Variants in ZBBX observed in about 807,000 individuals in gnomAD.
ZBBX encodes the protein zinc finger B-box domain containing, also known as zinc finger B-box domain-containing protein 1.
ZBBX carries 101 observed loss-of-function variants against 108.5 expected under a neutral mutation model. That is an observed-to-expected ratio of 0.93 (90% CI 0.79 to 1.10). ZBBX has a LOEUF of 1.10. Among genes scored for constraint, ZBBX ranks in the 50% least tolerant of loss-of-function variants. ZBBX has a pLI of 0.00. For synonymous variants in ZBBX, 356 were observed against 323.4 expected (o/e 1.10, Z -1.08); for missense variants, 1,009 against 941.4 (o/e 1.07, Z -0.94).
chr3:167,185,104 C>T, the ZBBX span, among the ~76,000 whole-genome samples: 2 of 152,012 alleles, frequency 1.3e-5, no homozygotes, highest in Non-Finnish European at 2.9e-5. Context: ...GTAATTGTTC[C>T]AAACTGGAGC....
intron 10 of ZBBX, 56 bp downstream of exon 10, chr3:167,333,771 G>T (rs1577025759): frequency 7.2e-7 from 1 of 1,397,272 alleles, no homozygotes; most frequent in Non-Finnish European, 9.5e-7. Flanking sequence ...TACATGAATG[G>T]CACCTGCCAT....
chr3:167,348,316 G>GAA (rs1395505728), intron 9 of ZBBX, among the ~76,000 whole-genome samples: 2 of 60,714 alleles, frequency 3.3e-5, no homozygotes, highest in Non-Finnish European at 6.0e-5. Flanking sequence ...GAAAGAAAGA[G>GAA]AAAGAAAGAA....
chr3:167,181,697 C>G, the ZBBX span, among the ~76,000 whole-genome samples: 1 of 152,196 alleles, frequency 6.6e-6, no homozygotes, highest in African/African-American at 2.4e-5. Context: ...GTGCTATACA[C>G]TCTCCTGGCT....
At chr3:167,307,977 C>T (rs1733956360) in intron 16 of ZBBX, among the ~76,000 whole-genome samples, 1 of 152,130 alleles carries the variant, frequency 6.6e-6, no homozygotes, top group Non-Finnish European at 1.5e-5. Context: ...TCCAATTAAA[C>T]TAAAGAGCTT....
At chr3:167,247,621 C>T (rs79386131) in intron 20 of ZBBX, among the ~76,000 whole-genome samples, 20 of 152,046 alleles carry the variant, frequency 1.3e-4, no homozygotes, top group African/African-American at 4.6e-4. Flanking sequence ...ACATGCCCAC[C>T]GGGGTTTCCA....
chr3:167,230,855 C>T, the ZBBX span, among the ~76,000 whole-genome samples: 3 of 151,754 alleles, frequency 2.0e-5, no homozygotes, highest in Non-Finnish European at 4.4e-5. Flanking sequence ...TAAAAGATAA[C>T]TCTGTTTTAT....
At chr3:167,350,319 T>C (rs1742405620) in intron 9 of ZBBX, 101 bp downstream of exon 9, 1 of 846,984 alleles carries the variant, frequency 1.2e-6, no homozygotes. Flanking sequence ...GAAATTAGCG[T>C]AAATCATCCT....
At chr3:167,249,971 T>C (rs760233004) in intron 20 of ZBBX, among the ~76,000 whole-genome samples, 1 of 152,192 alleles carries the variant, frequency 6.6e-6, no homozygotes, top group Non-Finnish European at 1.5e-5. Flanking sequence ...CTCTCAATTA[T>C]ATTAAGTTGT....
chr3:167,186,396 G>A, the ZBBX span, among the ~76,000 whole-genome samples: 2,028 of 152,172 alleles, frequency 0.013, 22 homozygotes, highest in South Asian at 0.026. Context: ...AGGAAGGAAG[G>A]AAGGAAGGAA....
At chr3:167,395,424 A>G (rs544855150) in intron 1 of ZBBX, among the ~76,000 whole-genome samples, 2 of 152,138 alleles carry the variant, frequency 1.3e-5, no homozygotes, top group African/African-American at 2.4e-5. Context: ...CAGGAGTGCC[A>G]GAGTTAGAAA....
At chr3:167,220,530 C>T in the ZBBX span, among the ~76,000 whole-genome samples, 1 of 151,938 alleles carries the variant, frequency 6.6e-6, no homozygotes, top group African/African-American at 2.4e-5. Context: ...GGATAAAATT[C>T]AACATCCCAT....
At chr3:167,217,464 T>C in the ZBBX span, among the ~76,000 whole-genome samples, 1 of 151,954 alleles carries the variant, frequency 6.6e-6, no homozygotes, top group Non-Finnish European at 1.5e-5. Context: ...AGTTAAAAAA[T>C]AACAGATGCT....
the ZBBX span, among the ~76,000 whole-genome samples, chr3:167,197,826 T>C: frequency 2.0e-5 from 3 of 152,208 alleles, no homozygotes; most frequent in African/African-American, 7.2e-5. Flanking sequence ...TCTAATGTTG[T>C]TTGCACAAAA....
At chr3:167,387,708 T>A (rs1747960604) in intron 1 of ZBBX, among the ~76,000 whole-genome samples, 1 of 151,884 alleles carries the variant, frequency 6.6e-6, no homozygotes, top group Non-Finnish European at 1.5e-5. Context: ...AGGTCATCGC[T>A]GTTGTATAGG....
the ZBBX span, among the ~76,000 whole-genome samples, chr3:167,221,603 A>G: frequency 2.6e-5 from 4 of 151,976 alleles, no homozygotes; most frequent in African/African-American, 9.7e-5. Context: ...AGGACATTGT[A>G]CTGGCAAAGA....
At chr3:167,274,138 C>T (rs1157125897) in intron 20 of ZBBX, among the ~76,000 whole-genome samples, 5 of 152,106 alleles carry the variant, frequency 3.3e-5, no homozygotes, top group Non-Finnish European at 7.3e-5. Context: ...ATACTGCCCC[C>T]GACAGAAGCA....
intron 12 of ZBBX, among the ~76,000 whole-genome samples, chr3:167,320,391 T>C (rs1030965344): frequency 6.6e-6 from 1 of 151,786 alleles, no homozygotes; most frequent in Non-Finnish European, 1.5e-5. Context: ...AAAATAAATA[T>C]TCATGAGTTG....
At chr3:167,224,323 A>G in the ZBBX span, among the ~76,000 whole-genome samples, 4 of 151,970 alleles carry the variant, frequency 2.6e-5, no homozygotes, top group African/African-American at 9.7e-5. Flanking sequence ...ATATCATTAC[A>G]GAGATGCTGA....
In ZBBX at chr3:167,298,290, G is replaced by C. The variant is rs760750598; in HGVS notation, c.1879+15C>G. ...TGAGAACAGACTGTTTTAGAAAAAT[G>C]AGCTAGAAATTTACCTGCAAGTGTA... On this transcript the variant is annotated intron_variant, in intron 18 of 21. Transcript: ENST00000675490. 1 of 1,579,952 alleles carries C rather than the reference G, an allele frequency of 6.3e-7. No individual in the cohort carries two copies. Among genetic ancestry groups the C allele is most frequent in the South Asian group, 1.2e-5 (1 of 83,464 alleles).
Sources: allele counts gnomAD v4.1 joint callset (sites outside exome capture counted in the v4.1 genomes callset), GRCh38; gene constraint gnomAD v4.1.1; transcripts MANE v1.5; gene names NCBI Gene and HGNC (gene_info 2026-07-23, HGNC 2026-07-21).